Variants in TSC2 observed in about 807,000 individuals in gnomAD.
TSC2 encodes TSC complex subunit 2.
In TSC2, 29 loss-of-function variants were observed where a neutral mutation model predicts 202.2. That is an observed-to-expected ratio of 0.14 (90% CI 0.11 to 0.20). TSC2 has a LOEUF of 0.20. Ranked by LOEUF, TSC2 falls within the 10% of genes least tolerant of loss-of-function variation. The pLI, the probability that TSC2 is intolerant of heterozygous loss-of-function variation, is 1.00. For missense variants in TSC2, 2,429 were observed against 2,420.0 expected (o/e 1.00, Z -0.08); for synonymous variants, 1,349 against 1,044.0 (o/e 1.29, Z -5.63).
chr16:2,065,287 C>T lies in TSC2; in HGVS notation c.1600-232C>T. 9.7e-6 allele frequency: 5 copies of T among 517,444 alleles called. No individual in the cohort carries two copies. In the South Asian group the frequency reaches 9.8e-5, roughly 10 times the overall value. 32.1% of individuals were successfully genotyped at this position (517,444 alleles called of 1,614,324 possible). On this transcript the variant is annotated intron_variant, in intron 15 of 41. Coordinates refer to ENST00000219476, the MANE Select transcript of TSC2 (RefSeq NM_000548.5). Reference sequence around the variant, plus strand: ...AATTAGCTGGGCGTGGTGGCGGGCGCCTGTAGTCCTAGCTACTGGGGAGGC... The same window carrying T: ...AATTAGCTGGGCGTGGTGGCGGGCGTCTGTAGTCCTAGCTACTGGGGAGGC...
chr16:2,088,678 G>A lies in TSC2; in HGVS notation c.*68G>A, dbSNP rs948797977. On this transcript the variant is annotated 3_prime_UTR_variant, in exon 42 of 42. Coordinates refer to ENST00000219476, the MANE Select transcript of TSC2 (RefSeq NM_000548.5). ...CTGTCAGTGAAATAAATAAAGTCCT[G>A]ACCCCAGTGCACAGACATAGAGGCA... 2.0e-6 allele frequency: 3 copies of A among 1,533,370 alleles called. No homozygotes were observed. The African/African-American group carries it at 4.1e-5, about 21-fold the overall frequency. The allele number at this position is 1,533,370 out of a possible 1,614,324, so 95.0% of individuals were successfully genotyped here.
Position 2,075,870 on chromosome 16 carries a change from C to T in TSC2, c.2617C>T (p.Leu873=), listed in dbSNP as rs1555508418. 3 of 1,613,074 alleles carry T rather than the reference C, an allele frequency of 1.9e-6. No individual in the cohort carries two copies. Among genetic ancestry groups the T allele is most frequent in the Non-Finnish European group, 1.7e-6 (2 of 1,180,000 alleles). ...EQYASVFAIS[L]PYTNPSKFNQ... is the part of the protein sequence containing the mutation. ...GTATGCCAGTGTGTTCGCCATCTCC[C>T]TGCCGTACACCAACCCCTCCAAGTG... Residue 873 remains leucine, a synonymous_variant, in exon 23 of 42, where the codon CTG becomes TTG. Coordinates refer to ENST00000219476, the MANE Select transcript of TSC2 (RefSeq NM_000548.5).
chr16:2,089,396 T>C lies in TSC2; in HGVS notation c.*786T>C. 2.3e-6 allele frequency: 1 copy of C among 433,710 alleles called. No individual in the cohort carries two copies. Among genetic ancestry groups the C allele is most frequent in the Admixed American group, 3.8e-5 (1 of 26,090 alleles). The allele number at this position is 433,710 out of a possible 1,614,324, so 26.9% of individuals were successfully genotyped here. ...TAACCCTCCCTGAAGCCAGCAGCCT[T>C]AGCAGTGGGGGACATCTGCCCAGGG... On this transcript the variant is annotated 3_prime_UTR_variant, in exon 42 of 42. Coordinates refer to ENST00000219476, the MANE Select transcript of TSC2 (RefSeq NM_000548.5).
chr16:2,076,471 G>A lies in TSC2; in HGVS notation c.2743-20G>A, dbSNP rs2089393160. ...CCCCCATTGCCACCCCTCACTGTCT[G>A]GGTGTGCTCACTCTGCCAGGGCCTG... is the stretch of plus-strand genomic sequence containing the variant. On this transcript the variant is annotated intron_variant, in intron 24 of 41. Coordinates refer to ENST00000219476, the MANE Select transcript of TSC2 (RefSeq NM_000548.5). 6.2e-7 allele frequency: 1 copy of A among 1,613,028 alleles called. No homozygotes were observed. Among genetic ancestry groups the A allele is most frequent in the East Asian group, 2.2e-5 (1 of 44,866 alleles).
chr16:2,064,494 G>A, intron 15 of TSC2, 67 bp downstream of exon 15: 3 of 1,607,768 alleles, frequency 1.9e-6, no homozygotes, highest in Non-Finnish European at 2.5e-6. Context: ...AATGGCCTCT[G>A]GGCCCTCTGT....
chr16:2,048,700 A>C lies in TSC2; in HGVS notation c.85A>C (p.Arg29=), dbSNP rs752830086. 6.2e-7 allele frequency: 1 copy of C among 1,614,086 alleles called. No homozygotes were observed. The highest frequency in any genetic ancestry group is 1.1e-5 in the South Asian group (1 of 91,090). Residue 29 remains arginine (R), a synonymous_variant, in exon 2 of 42, where the codon AGG becomes CGG. Transcript: ENST00000219476. The part of the protein sequence containing the change: ...LGLGTPRPNP[R]SAEGKQTEFI... ...ACTGGGAACACCGAGGCCAAATCCCAGGTCTGCAGAGGGTAAACAGACGGA... is the reference window on the plus strand; with the variant it reads ...ACTGGGAACACCGAGGCCAAATCCCCGGTCTGCAGAGGGTAAACAGACGGA...
chr16:2,083,988 C>T (rs193104148), intron 33 of TSC2, among the ~76,000 whole-genome samples, 172 bp downstream of exon 33: 6 of 152,340 alleles, frequency 3.9e-5, no homozygotes, highest in East Asian at 1.9e-4. Flanking sequence ...CCACCTGGGC[C>T]GGCCCTGGCT....
rs113844197 is a variant in TSC2 at position 2,078,925 on chromosome 16, C to T, written c.2967-107C>T. On this transcript the variant is annotated intron_variant, in intron 26 of 41. Transcript: ENST00000219476. ...CGCCCACGCCCTGTTGGGGTCTTTC[C>T]GAGCGAGGTCCTCAGCCGTGCATGC... The T allele has an allele frequency of 3.0e-4, 444 of 1,493,982 alleles. No homozygotes were observed. The African/African-American group carries it at 5.1e-3, about 17-fold the overall frequency. 92.5% of individuals were successfully genotyped at this position (1,493,982 alleles called of 1,614,324 possible). A position where few individuals can be genotyped will look rare whatever the true frequency, so the allele number is the denominator to read the frequency against.
intron 21 of TSC2, among the ~76,000 whole-genome samples, chr16:2,073,595 G>A (rs541308973): frequency 2.0e-5 from 3 of 152,304 alleles, no homozygotes; most frequent in South Asian, 4.1e-4. Flanking sequence ...GCTGTTGTTG[G>A]GTTCCCATCC....
At chr16:2,080,424 A>G (rs749111766) in intron 30 of TSC2, 47 bp downstream of exon 30, 2 of 1,602,968 alleles carry the variant, frequency 1.2e-6, no homozygotes, top group East Asian at 2.2e-5. Flanking sequence ...CCAGTCACCC[A>G]CAGAGCTGTG....
intron 20 of TSC2, chr16:2,072,619 C>A: frequency 1.2e-6 from 1 of 816,162 alleles, no homozygotes; most frequent in Non-Finnish European, 1.9e-6. Flanking sequence ...CCCATCTGTG[C>A]TTTTCCTAAG....
rs757135168 is a variant in TSC2, at chr16:2,060,789, C to T, written c.1095C>T (p.Ile365=). 2.7e-5 allele frequency: 43 copies of T among 1,613,618 alleles called. No individual in the cohort carries two copies. Among genetic ancestry groups the T allele is most frequent in the Non-Finnish European group, 3.5e-5 (41 of 1,179,900 alleles). The change falls in exon 11 of 42, where the codon ATC becomes ATT. Residue 365 remains isoleucine, a synonymous_variant. Coordinates refer to ENST00000219476, the MANE Select transcript of TSC2 (RefSeq NM_000548.5). The part of the protein sequence containing the change: ...VVAWDILLNI[I]ERLLQQLQTL... ...CGTGGGACATTCTGCTGAACATCAT[C>T]GAACGGCTCCTTCAGCAGCTCCAGG...
intron 32 of TSC2, chr16:2,083,354 G>A (rs2090367208): frequency 2.1e-6 from 1 of 475,360 alleles, no homozygotes; most frequent in South Asian, 1.8e-5. Flanking sequence ...CTGGTTTCAG[G>A]CTCCCGCTCT....
intron 22 of TSC2, 88 bp downstream of exon 22, chr16:2,074,477 C>G (rs1017211106): frequency 1.2e-5 from 18 of 1,510,080 alleles, no homozygotes; most frequent in Non-Finnish European, 1.5e-5. Context: ...TCTCAGGACT[C>G]CTTGGGGAAC....
At position 2,072,979 on chromosome 16, in the gene TSC2, A is replaced by G. The variant is rs1489548085; in HGVS notation, c.2351A>G (p.Lys784Arg). ...TACCATAACTACCTGGACAAAACCAAACAGGTAGGAGGTCAGAGCAGGACA... is the reference window on the plus strand; with the variant it reads ...TACCATAACTACCTGGACAAAACCAGACAGGTAGGAGGTCAGAGCAGGACA... ...ISYHNYLDKT[K>R]QREMVYCLEQ... Residue 784 changes from lysine to arginine, a missense_variant, in exon 21 of 42, where the codon AAA becomes AGA. Lys to Arg is a conservative substitution (Grantham distance 26). Coordinates refer to ENST00000219476, the MANE Select transcript of TSC2 (RefSeq NM_000548.5). 1.2e-6 allele frequency: 2 copies of G among 1,613,480 alleles called. No homozygotes were observed. Among genetic ancestry groups the G allele is most frequent in the Admixed American group, 3.3e-5 (2 of 60,026 alleles).
intron 3 of TSC2, among the ~76,000 whole-genome samples, chr16:2,052,263 AATTG>A (rs2085228242): frequency 8.4e-6 from 1 of 118,436 alleles, no homozygotes. Flanking sequence ...CAGTTGTCTG[AATTG>A]GTTGGGATGT....
At chr16:2,055,057 C>T (rs2085599092) in intron 5 of TSC2, 1 of 410,176 alleles carries the variant, frequency 2.4e-6, no homozygotes, top group Admixed American at 3.6e-5. Context: ...CCGAGCCACT[C>T]TCTGCTGGGG....
At chr16:2,086,618 C>A (rs371310759) in intron 37 of TSC2, 114 bp from the exon 38 acceptor site, 2 of 1,518,108 alleles carry the variant, frequency 1.3e-6, no homozygotes, top group African/African-American at 1.4e-5. Flanking sequence ...CACCAGAGGA[C>A]GTGGTCCCCG....
intron 18 of TSC2, 50 bp from the exon 19 acceptor site, chr16:2,071,734 C>T (rs2088432438): frequency 1.9e-6 from 3 of 1,596,822 alleles, no homozygotes; most frequent in Non-Finnish European, 2.6e-6. Context: ...CAAGTCTGTT[C>T]CGTTCCTGCT....
Sources: allele counts gnomAD v4.1 joint callset (sites outside exome capture counted in the v4.1 genomes callset), GRCh38; gene constraint gnomAD v4.1.1; transcripts MANE v1.5; gene names NCBI Gene and HGNC (gene_info 2026-07-23, HGNC 2026-07-21).